SPEN: variants seen among roughly 807,000 people sequenced by gnomAD.
The protein encoded by SPEN is msx2-interacting protein.
SPEN carries 18 observed loss-of-function variants against 269.9 expected under a neutral mutation model. The observed-to-expected ratio is 0.07, with a 90% CI of 0.05 to 0.10. The LOEUF (loss-of-function observed/expected upper bound fraction) is 0.10. SPEN is among the 10% of genes least tolerant of loss of function. The probability of loss-of-function intolerance (pLI) is 1.00; values close to 1 mark genes in which losing one functional copy is unlikely to be tolerated. For missense variants in SPEN, 3,822 were observed against 4,631.2 expected (o/e 0.83, Z 5.07); for synonymous variants, 1,726 against 1,765.7 (o/e 0.98, Z 0.56).
In SPEN at chr1:15,891,906, T is replaced by A. The variant is rs568287762; in HGVS notation, c.881+15228T>A. On this transcript the variant is annotated intron_variant, in intron 3 of 14. Transcript: ENST00000375759. ...TCAAGTTCTGGAGACCTGGTTTTTT[T>A]AAAAAAAAAAAACTTATTTATGTTG... 3.1e-3 allele frequency among the ~76,000 whole-genome samples: 451 copies of A among 144,588 alleles called. 4 individuals are homozygous for A. The highest frequency in any genetic ancestry group is 6.5e-3 in the African/African-American group (256 of 39,464). 94.9% of individuals were successfully genotyped at this position (144,588 alleles called of 152,430 possible). A position where few individuals can be genotyped will look rare whatever the true frequency, so the allele number is the denominator to read the frequency against.
intron 3 of SPEN, among the ~76,000 whole-genome samples, chr1:15,896,416 A>G (rs2070843007): frequency 6.7e-6 from 1 of 150,368 alleles, no homozygotes; most frequent in South Asian, 2.1e-4. Context: ...GGCTGGTCTC[A>G]AACTCCTGAC....
Position 15,937,595 on chromosome 1 carries a change from T to C in SPEN, c.10459T>C (p.Ser3487Pro). 1 of 1,614,048 alleles carries C rather than the reference T, an allele frequency of 6.2e-7. No individual in the cohort carries two copies. ...CCAGCCAGCCCCCAAACAAGATTCC[T>C]CTCCACACCTGACTTCCCAGAGACC... Reference protein sequence around the residue: ...EFQPAPKQDSSPHLTSQRPVD... With the variant: ...EFQPAPKQDSPPHLTSQRPVD... Residue 3487 changes from serine (S) to proline (P), a missense_variant, in exon 12 of 15, where the codon TCT (serine) becomes CCT (proline). Physicochemically the swap from Ser to Pro is moderately conservative, Grantham distance 74. Coordinates refer to ENST00000375759, the MANE Select transcript of SPEN (RefSeq NM_015001.3). This position sits in a 1 kb window ranked among gnomAD's most constrained non-coding sequence, Gnocchi z 5.7.
rs746747706 is a variant in SPEN at position 15,928,191 on chromosome 1, C to A, written c.1951C>A (p.Pro651Thr). Residue 651 changes from proline (P) to threonine (T), a missense_variant, in exon 11 of 15, where the codon CCA becomes ACA. Physicochemically the swap from Pro to Thr is conservative, Grantham distance 38 (BLOSUM62 -1). This residue lies in a region of SPEN where 230 missense variants were observed against 426.1 expected (regional missense o/e 0.54). Transcript: ENST00000375759. This position sits in a 1 kb window ranked among gnomAD's most constrained non-coding sequence, Gnocchi z 5.7. ...TYPEDSRRDY[P>T]ARGREFYSEW... ...TCCTGAGGATTCCAGGCGGGACTAT[C>A]CAGCTCGAGGGAGAGAGTTTTATTC... 6 of 1,614,170 alleles carry A rather than the reference C, an allele frequency of 3.7e-6. No homozygotes were observed. The highest frequency in any genetic ancestry group is 2.2e-5 in the South Asian group (2 of 91,082).
chr1:15,921,035 A>C, intron 9 of SPEN, 52 bp downstream of exon 9: 36 of 1,259,238 alleles, frequency 2.9e-5, no homozygotes, highest in Non-Finnish European at 3.4e-5. Context: ...TTCAAATCTC[A>C]CCCTCTTGGG....
rs756771983 is a variant in SPEN, at chr1:15,937,326, C to T, written c.10190C>T (p.Thr3397Met). Residue 3397 changes from threonine (T) to methionine (M), a missense_variant, in exon 12 of 15, where the codon ACG becomes ATG. Physicochemically the swap from Thr to Met is moderately conservative, Grantham distance 81. Transcript: ENST00000375759. This position sits in a 1 kb window ranked among gnomAD's most constrained non-coding sequence, Gnocchi z 5.7. ...TCCCAGGAGGCAAAGGGGACCCAGACGGGAGTAGAGCAGCCTCGCCTCCCA... is the reference window on the plus strand; with the variant it reads ...TCCCAGGAGGCAAAGGGGACCCAGATGGGAGTAGAGCAGCCTCGCCTCCCA... ...QVSQEAKGTQ[T>M]GVEQPRLPAG... 35 of 1,613,820 alleles carry T rather than the reference C, an allele frequency of 2.2e-5. No homozygotes were observed. Among genetic ancestry groups the T allele is most frequent in the African/African-American group, 1.5e-4 (11 of 74,844 alleles).
chr1:15,856,576 T>C (rs1235998832), intron 1 of SPEN, among the ~76,000 whole-genome samples: 4 of 149,404 alleles, frequency 2.7e-5, no homozygotes, highest in African/African-American at 7.4e-5. Flanking sequence ...TTTTTTTTTT[T>C]TTTTTTTTTG....
At chr1:15,910,210 A>G (rs540115827) in intron 4 of SPEN, among the ~76,000 whole-genome samples, 1 of 151,906 alleles carries the variant, frequency 6.6e-6, no homozygotes, top group Non-Finnish European at 1.5e-5. Flanking sequence ...AGTTATTGAG[A>G]TACTAATGTT....
chr1:15,874,111 A>G (rs1478562747), intron 2 of SPEN: 3 of 1,361,218 alleles, frequency 2.2e-6, no homozygotes, highest in South Asian at 1.1e-5. Context: ...GGCTGGAAAT[A>G]TTTATGAATG....
At chr1:15,924,468 T>G (rs528824270) in intron 10 of SPEN, among the ~76,000 whole-genome samples, 10 of 152,310 alleles carry the variant, frequency 6.6e-5, no homozygotes, top group South Asian at 2.1e-4. Context: ...CTATTTTTTT[T>G]TTGTTTTTTG....
At chr1:15,915,599 A>G (rs2071050723) in intron 5 of SPEN, among the ~76,000 whole-genome samples, 2 of 152,188 alleles carry the variant, frequency 1.3e-5, no homozygotes, top group African/African-American at 4.8e-5. Flanking sequence ...CAGTGGCGTG[A>G]TCACAGTTCA....
In SPEN at chr1:15,928,312, A is replaced by T; in HGVS notation, c.2072A>T (p.Asp691Val). The change falls in exon 11 of 15, where the codon GAT becomes GTT. Residue 691 changes from aspartate (D) to valine (V), a missense_variant. Around this residue, in one of 16 missense-constraint regions of SPEN, gnomAD observed 572 missense variants for 582.6 expected, o/e 0.98. Transcript: ENST00000375759. This position sits in a 1 kb window ranked among gnomAD's most constrained non-coding sequence, Gnocchi z 5.7. The stretch of plus-strand genomic sequence containing the variant: ...TACAGGAATGATCCTTATGAACAAG[A>T]TATTAGGGAATATAGTTACAGGCAA... ...RDYRNDPYEQ[D>V]IREYSYRQRE... 4 of 1,614,186 alleles carry T rather than the reference A, an allele frequency of 2.5e-6. No homozygotes were observed. Among genetic ancestry groups the T allele is most frequent in the African/African-American group, 1.3e-5 (1 of 75,054 alleles).
At chr1:15,913,122 T>C (rs1440353655) in intron 5 of SPEN, among the ~76,000 whole-genome samples, 2 of 152,234 alleles carry the variant, frequency 1.3e-5, no homozygotes, top group African/African-American at 2.4e-5. Flanking sequence ...GTTGGAATTA[T>C]GCTCTCAGAT....
Position 15,935,632 on chromosome 1 carries a change from TCAGGGCCCCACAGCGTGC to T in SPEN, c.9396_9413del (p.Arg3132_Ala3137del). On this transcript the variant is annotated inframe_deletion, in exon 11 of 15. Transcript: ENST00000375759. The surrounding 1 kb of genome is among the most constrained non-coding windows in gnomAD (Gnocchi z 7.7). ...CCGCTGCAGCCCCAGCAAATAGAGG[TCAGGGCCCCACAGCGTGC>T]CAGCACCCCGCAGCCAGCCCCAGCT... 6.2e-7 allele frequency: 1 copy of T among 1,613,960 alleles called. No homozygotes were observed. The highest frequency in any genetic ancestry group is 8.5e-7 in the Non-Finnish European group (1 of 1,179,972).
chr1:15,884,116 A>T (rs1186163632), intron 3 of SPEN, among the ~76,000 whole-genome samples: 4 of 152,058 alleles, frequency 2.6e-5, no homozygotes, highest in Non-Finnish European at 5.9e-5. Flanking sequence ...GGCTTGTTTT[A>T]TGGGTTAACA....
At position 15,930,932 on chromosome 1, in the gene SPEN, G is replaced by A; in HGVS notation, c.4692G>A (p.Gln1564=). ...DFISGRIYGK[Q]TSEGANSTTD... ...TTTCTGGTAGGATCTATGGGAAGCA[G>A]ACATCTGAGGGAGCAAACAGCACAA... Residue 1564 remains glutamine, a synonymous_variant, in exon 11 of 15, where the codon CAG becomes CAA. Transcript: ENST00000375759. This position sits in a 1 kb window ranked among gnomAD's most constrained non-coding sequence, Gnocchi z 5.3. 6.2e-7 allele frequency: 1 copy of A among 1,614,128 alleles called. No individual in the cohort carries two copies. The highest frequency in any genetic ancestry group is 8.5e-7 in the Non-Finnish European group (1 of 1,180,026).
intron 2 of SPEN, among the ~76,000 whole-genome samples, chr1:15,875,440 G>A (rs565419280): frequency 6.6e-6 from 1 of 152,132 alleles, no homozygotes; most frequent in African/African-American, 2.4e-5. Context: ...CATGGAATAG[G>A]CATTTTTAAA....
chr1:15,897,068 C>G (rs1253302630), intron 3 of SPEN, among the ~76,000 whole-genome samples: 1 of 152,212 alleles, frequency 6.6e-6, no homozygotes, highest in Non-Finnish European at 1.5e-5. Flanking sequence ...CAGTTTCACT[C>G]TACTAATTCA....
chr1:15,908,585 G>A (rs930185826), intron 3 of SPEN, among the ~76,000 whole-genome samples: 4 of 152,028 alleles, frequency 2.6e-5, no homozygotes, highest in African/African-American at 9.7e-5. Flanking sequence ...ACCACACCCA[G>A]CTAATTTTTA....
chr1:15,930,487 G>A lies in SPEN; in HGVS notation c.4247G>A (p.Arg1416His), dbSNP rs767789548. 8.7e-6 allele frequency: 14 copies of A among 1,614,176 alleles called. No homozygotes were observed. In the East Asian group the frequency reaches 1.6e-4, roughly 18 times the overall value. ...TTGAGGGACAGAGAAGACAAGCTACGTGAGCGAGATGAAAGACTCTCTAGT... is the reference window on the plus strand; with the variant it reads ...TTGAGGGACAGAGAAGACAAGCTACATGAGCGAGATGAAAGACTCTCTAGT... ...FLLRDREDKL[R>H]ERDERLSSSL... The change falls in exon 11 of 15, where the codon CGT becomes CAT. Residue 1416 changes from arginine to histidine, a missense_variant. Arg to His is a conservative substitution (Grantham distance 29). Transcript: ENST00000375759. The surrounding 1 kb of genome is among the most constrained non-coding windows in gnomAD (Gnocchi z 5.3).
Sources: gnomAD v4.1 joint callset for allele counts (sites outside exome capture counted in the v4.1 genomes callset) on GRCh38, gnomAD v4.1.1 for gene constraint, gnomAD v4.1.1 regional missense constraint, Gnocchi (gnomAD v3.1) non-coding constraint, MANE v1.5 for transcripts, NCBI Gene and HGNC (gene_info 2026-07-23, HGNC 2026-07-21) for gene names.